Variants in ACOXL observed in about 807,000 individuals in gnomAD.
ACOXL encodes acyl-CoA oxidase like.
A neutral mutation model predicts 71.9 loss-of-function variants in ACOXL; 70 were observed. That is an observed-to-expected ratio of 0.97 (90% CI 0.80 to 1.19). ACOXL has a LOEUF of 1.19. Among genes scored for constraint, ACOXL ranks in the 50% most tolerant of loss-of-function variants. The pLI is 0.00. For synonymous variants in ACOXL, 253 were observed against 281.6 expected (o/e 0.90, Z 1.02); for missense variants, 703 against 736.3 (o/e 0.95, Z 0.52).
intron 16 of ACOXL, among the ~76,000 whole-genome samples, chr2:111,067,883 C>T (rs957602963): frequency 2.0e-5 from 3 of 152,076 alleles, no homozygotes; most frequent in African/African-American, 4.8e-5. Flanking sequence ...ATTGGGAGTG[C>T]GGGGAAGATA....
intron 9 of ACOXL, among the ~76,000 whole-genome samples, chr2:110,809,977 C>G (rs1473373360): frequency 6.6e-6 from 1 of 152,184 alleles, no homozygotes; most frequent in Non-Finnish European, 1.5e-5. Flanking sequence ...GTCCTGATGT[C>G]GATGTCCTCA....
In ACOXL at chr2:110,841,926, A is replaced by C. The variant is rs192672813; in HGVS notation, c.788+521A>C. Among the ~76,000 whole-genome samples, 57 of 152,276 alleles carry C rather than the reference A, an allele frequency of 3.7e-4. 1 individual carries two copies. Among genetic ancestry groups the C allele is most frequent in the Admixed American group, 3.6e-3 (55 of 15,298 alleles). ...TGAAAAATGTTTGTTTCTTGTGTTGATATCAACATTTTCCCCTTTGCATGT... is the reference window on the plus strand; with the variant it reads ...TGAAAAATGTTTGTTTCTTGTGTTGCTATCAACATTTTCCCCTTTGCATGT... On this transcript the variant is annotated intron_variant, in intron 10 of 17. Transcript: ENST00000439055.
intron 7 of ACOXL, 71 bp from the exon 8 acceptor site, chr2:110,801,581 C>A: frequency 7.3e-7 from 1 of 1,367,352 alleles, no homozygotes; most frequent in Non-Finnish European, 1.0e-6. Flanking sequence ...ATTTTAGTGG[C>A]GACAGGCCTG....
At chr2:110,819,835 G>C (rs1273243566) in intron 9 of ACOXL, among the ~76,000 whole-genome samples, 2 of 152,196 alleles carry the variant, frequency 1.3e-5, no homozygotes, top group African/African-American at 4.8e-5. Flanking sequence ...GTGGAGGATA[G>C]AATGTGGGCT....
intron 1 of ACOXL, among the ~76,000 whole-genome samples, chr2:110,737,356 T>C (rs1489102640): frequency 2.0e-5 from 3 of 152,218 alleles, no homozygotes; most frequent in Non-Finnish European, 4.4e-5. Context: ...CTTACTCTTA[T>C]AGAAAACGAA....
chr2:110,942,923 GAGAAAGAAAGAAAGA>G (rs1257619262), intron 12 of ACOXL, among the ~76,000 whole-genome samples: 32 of 125,616 alleles, frequency 2.5e-4, no homozygotes, highest in South Asian at 8.8e-4. Context: ...GGGAAAGAAA[GAGAAAGAAAGAAAGA>G]AGAAAGAAAG....
chr2:110,939,981 T>C (rs2060809026), intron 12 of ACOXL, among the ~76,000 whole-genome samples: 1 of 152,224 alleles, frequency 6.6e-6, no homozygotes, highest in African/African-American at 2.4e-5. Context: ...GAATGCTTAA[T>C]TAGTTTCTAG....
chr2:111,080,732 A>C (rs1023685151), intron 16 of ACOXL, among the ~76,000 whole-genome samples: 4 of 152,226 alleles, frequency 2.6e-5, no homozygotes, highest in Non-Finnish European at 4.4e-5. Flanking sequence ...ACAAAATTTC[A>C]GGCCAATATC....
At chr2:111,014,978 A>G (rs772007178) in intron 14 of ACOXL, among the ~76,000 whole-genome samples, 1 of 152,256 alleles carries the variant, frequency 6.6e-6, no homozygotes, top group Non-Finnish European at 1.5e-5. Flanking sequence ...GAGATTGATC[A>G]TAGACTTCAA....
intron 10 of ACOXL, among the ~76,000 whole-genome samples, chr2:110,845,771 C>T (rs1011296047): frequency 2.6e-5 from 4 of 152,142 alleles, no homozygotes; most frequent in African/African-American, 9.7e-5. Flanking sequence ...AATTTCATTC[C>T]CTTCTGTGGG....
intron 11 of ACOXL, among the ~76,000 whole-genome samples, chr2:110,918,410 A>G (rs1442851369): frequency 1.3e-5 from 2 of 152,232 alleles, no homozygotes; most frequent in Non-Finnish European, 2.9e-5. Flanking sequence ...AAATTAACTC[A>G]GGATGGATTA....
At chr2:110,957,119 C>T (rs2061529473) in intron 12 of ACOXL, among the ~76,000 whole-genome samples, 1 of 151,996 alleles carries the variant, frequency 6.6e-6, no homozygotes, top group Non-Finnish European at 1.5e-5. Context: ...AAATCTTACT[C>T]ACTTTTTTTT....
intron 16 of ACOXL, among the ~76,000 whole-genome samples, chr2:111,069,237 C>T (rs1385607136): frequency 6.6e-6 from 1 of 151,550 alleles, no homozygotes; most frequent in Non-Finnish European, 1.5e-5. Flanking sequence ...CTGCAAACTC[C>T]GCCTCCCATG....
chr2:110,945,345 TA>T (rs1308801597), intron 12 of ACOXL, among the ~76,000 whole-genome samples: 5 of 152,026 alleles, frequency 3.3e-5, no homozygotes, highest in African/African-American at 1.2e-4. Context: ...TTCATGTAAT[TA>T]GGTCTCATTT....
chr2:110,991,277 C>G (rs1323179309), intron 13 of ACOXL, among the ~76,000 whole-genome samples: 2 of 152,048 alleles, frequency 1.3e-5, no homozygotes, highest in Non-Finnish European at 2.9e-5. Flanking sequence ...TCCTAAAATG[C>G]CTTCTTATGC....
At chr2:110,920,448 C>A (rs747324630) in intron 11 of ACOXL, among the ~76,000 whole-genome samples, 1 of 152,052 alleles carries the variant, frequency 6.6e-6, no homozygotes, top group Non-Finnish European at 1.5e-5. Flanking sequence ...TTGTTGAGTG[C>A]AAGAGTTCTT....
chr2:110,846,636 T>TACACACACACACACACACACAC lies in ACOXL; in HGVS notation c.788+5235_788+5236insACACACACACACACACACACAC, dbSNP rs1452445738. On this transcript the variant is annotated intron_variant, in intron 10 of 17. Coordinates refer to ENST00000439055, the MANE Select transcript of ACOXL (RefSeq NM_001142807.4). ...CCGCATGTGAGCATGCAAGTATGCATACACGCACACACACACACACACACA... is the reference window on the plus strand; with the variant it reads ...CCGCATGTGAGCATGCAAGTATGCATACACACACACACACACACACACACACGCACACACACACACACACACA... 6.7e-3 allele frequency among the ~76,000 whole-genome samples: 302 copies of TACACACACACACACACACACAC among 44,864 alleles called. 6 individuals carry two copies. The highest frequency in any genetic ancestry group is 0.049 in the East Asian group (66 of 1,346). The allele number at this position is 44,864 out of a possible 152,430, so 29.4% of individuals were successfully genotyped here. A position where few individuals can be genotyped will look rare whatever the true frequency, so the allele number is the denominator to read the frequency against.
chr2:111,069,415 G>A (rs1351079523), intron 16 of ACOXL, among the ~76,000 whole-genome samples: 2 of 152,112 alleles, frequency 1.3e-5, no homozygotes, highest in Non-Finnish European at 2.9e-5. Context: ...GCCTTCCAAA[G>A]TGCTGGGATT....
At chr2:111,002,884 A>G (rs2063699654) in intron 14 of ACOXL, among the ~76,000 whole-genome samples, 1 of 152,170 alleles carries the variant, frequency 6.6e-6, no homozygotes, top group South Asian at 2.1e-4. Flanking sequence ...CTGAAATCCA[A>G]AATGCTCTAA....
Sources: gnomAD v4.1 joint callset for allele counts (sites outside exome capture counted in the v4.1 genomes callset) on GRCh38, gnomAD v4.1.1 for gene constraint, MANE v1.5 for transcripts, NCBI Gene and HGNC (gene_info 2026-07-23, HGNC 2026-07-21) for gene names.